AKAP19: variants seen among roughly 807,000 people sequenced by gnomAD.
The protein encoded by AKAP19 is A-kinase anchoring protein 19.
the AKAP19 span, among the ~76,000 whole-genome samples, chr2:190,172,941 C>T: frequency 2.0e-5 from 3 of 151,996 alleles, no homozygotes; most frequent in Non-Finnish European, 4.4e-5. Context: ...GGCGAAACCC[C>T]GTCCCAACTA....
At chr2:190,148,953 CTTTTTTT>C in the AKAP19 span, among the ~76,000 whole-genome samples, 3 of 134,086 alleles carry the variant, frequency 2.2e-5, no homozygotes, top group Non-Finnish European at 3.2e-5. Flanking sequence ...TCTTTTCTTT[CTTTTTTT>C]TTTTTTTTTT....
At chr2:189,973,417 T>G in the AKAP19 span, among the ~76,000 whole-genome samples, 2 of 152,198 alleles carry the variant, frequency 1.3e-5, no homozygotes, top group African/African-American at 4.8e-5. Context: ...TGCATCTATG[T>G]TCATCAGGGA....
the AKAP19 span, among the ~76,000 whole-genome samples, chr2:189,936,310 T>G: frequency 2.0e-5 from 3 of 151,782 alleles, no homozygotes; most frequent in Admixed American, 6.6e-5. Context: ...CACTTTCACA[T>G]ATGCAGTGCA....
chr2:190,038,905 T>TTCTTCTTCTTCG, the AKAP19 span, among the ~76,000 whole-genome samples: 2 of 82,876 alleles, frequency 2.4e-5, no homozygotes, highest in Non-Finnish European at 5.2e-5. Flanking sequence ...TCTTTCTTTC[T>TTCTTCTTCTTCG]TCTTCTTCTT....
the AKAP19 span, among the ~76,000 whole-genome samples, chr2:190,042,821 T>G: frequency 6.6e-6 from 1 of 152,348 alleles, no homozygotes; most frequent in South Asian, 2.1e-4. Flanking sequence ...TGTTAAGGTA[T>G]TAGCTGGCAG....
the AKAP19 span, among the ~76,000 whole-genome samples, chr2:189,971,177 C>T: frequency 6.6e-6 from 1 of 152,124 alleles, no homozygotes; most frequent in East Asian, 1.9e-4. Flanking sequence ...TGTTCCCTGC[C>T]CTGTATCCAA....
the AKAP19 span, among the ~76,000 whole-genome samples, chr2:190,045,087 C>T: frequency 6.6e-6 from 1 of 152,166 alleles, no homozygotes; most frequent in Non-Finnish European, 1.5e-5. Context: ...TGGTGGCCCT[C>T]CCCTCCCTCT....
the AKAP19 span, among the ~76,000 whole-genome samples, chr2:190,131,037 C>A: frequency 6.6e-6 from 1 of 152,124 alleles, no homozygotes; most frequent in Non-Finnish European, 1.5e-5. Context: ...TTGGTCTCTG[C>A]CCCCATTCCT....
chr2:190,027,182 G>T, the AKAP19 span, among the ~76,000 whole-genome samples: 1 of 152,064 alleles, frequency 6.6e-6, no homozygotes, highest in Non-Finnish European at 1.5e-5. Flanking sequence ...AATATTTCTT[G>T]CCCCCAACCC....
At chr2:190,190,063 C>T in the AKAP19 span, 4 of 152,306 alleles carry the variant, frequency 2.6e-5, no homozygotes, top group African/African-American at 9.6e-5. Flanking sequence ...AAAAACTGTT[C>T]TTATATCTTA....
the AKAP19 span, among the ~76,000 whole-genome samples, chr2:190,152,149 C>A: frequency 1.3e-5 from 2 of 152,270 alleles, no homozygotes; most frequent in Admixed American, 1.3e-4. Context: ...CAGAATGAGA[C>A]TCCATCACTA....
the AKAP19 span, among the ~76,000 whole-genome samples, chr2:189,941,761 G>A: frequency 6.6e-6 from 1 of 152,106 alleles, no homozygotes; most frequent in Non-Finnish European, 1.5e-5. Context: ...AAAGAAGAGA[G>A]GAGTTACAAA....
the AKAP19 span, among the ~76,000 whole-genome samples, chr2:190,141,878 G>A: frequency 1.5e-4 from 23 of 152,266 alleles, no homozygotes; most frequent in East Asian, 3.7e-3. Context: ...CTTTCTCCTC[G>A]TGCTGACTTT....
chr2:190,090,729 G>C, the AKAP19 span, among the ~76,000 whole-genome samples: 1 of 152,166 alleles, frequency 6.6e-6, no homozygotes, highest in Non-Finnish European at 1.5e-5. Flanking sequence ...AAGGCAGAAG[G>C]TGACTCCCAG....
the AKAP19 span, among the ~76,000 whole-genome samples, chr2:190,038,864 T>C: frequency 1.6e-4 from 21 of 134,822 alleles, no homozygotes; most frequent in African/African-American, 5.1e-4. Flanking sequence ...CTGGGCTTAT[T>C]TGTAGAGTCC....
the AKAP19 span, among the ~76,000 whole-genome samples, chr2:190,116,237 A>C: frequency 9.5e-4 from 145 of 152,290 alleles, no homozygotes; most frequent in Middle Eastern, 6.8e-3. Flanking sequence ...AATGAACAGA[A>C]ATTTATGGGC....
chr2:190,049,631 T>C, the AKAP19 span, among the ~76,000 whole-genome samples: 1 of 152,200 alleles, frequency 6.6e-6, no homozygotes, highest in Admixed American at 6.5e-5. Context: ...ACAAATGCAA[T>C]GAGCATGGCA....
At chr2:190,189,328 CAAG>C in the AKAP19 span, among the ~76,000 whole-genome samples, 176 of 152,206 alleles carry the variant, frequency 1.2e-3, no homozygotes, top group African/African-American at 4.1e-3. Flanking sequence ...ACTTTTATTC[CAAG>C]AAGAAGCTGG....
chr2:190,155,081 A>T, the AKAP19 span, among the ~76,000 whole-genome samples: 1 of 152,254 alleles, frequency 6.6e-6, no homozygotes, highest in Non-Finnish European at 1.5e-5. Flanking sequence ...AAGCAGGGAC[A>T]GCCAACATAG....
Sources: allele counts gnomAD v4.1 joint callset (sites outside exome capture counted in the v4.1 genomes callset), GRCh38; gene constraint gnomAD v4.1.1; transcripts MANE v1.5; gene names NCBI Gene and HGNC (gene_info 2026-07-23, HGNC 2026-07-21).